The following KCNK13 variants were observed in gnomAD, a reference collection of about 807,000 sequenced individuals.
KCNK13 encodes potassium two pore domain channel subfamily K member 13.
In KCNK13, 12 loss-of-function variants were observed where a neutral mutation model predicts 23.4. The observed-to-expected ratio is 0.51, with a 90% CI of 0.33 to 0.83. KCNK13 has a LOEUF of 0.83. Ranked by LOEUF, KCNK13 falls within the 40% of genes least tolerant of loss-of-function variation. The pLI, the probability that KCNK13 is intolerant of heterozygous loss-of-function variation, is 0.02. For missense variants in KCNK13, 463 were observed against 556.3 expected (o/e 0.83, Z 1.69); for synonymous variants, 231 against 229.5 (o/e 1.01, Z -0.06).
intron 1 of KCNK13, among the ~76,000 whole-genome samples, chr14:90,126,360 C>T (rs573307058): frequency 2.0e-5 from 3 of 152,220 alleles, no homozygotes; most frequent in South Asian, 4.2e-4. Flanking sequence ...ACCTGCCCAA[C>T]GCTGCCTCAC....
In KCNK13 at chr14:90,065,764, C is replaced by T. The variant is rs74080567; in HGVS notation, c.334+3225C>T. Among the ~76,000 whole-genome samples the T allele has an allele frequency of 1.0e-3, 158 of 152,216 alleles. 3 individuals are homozygous for T. Among genetic ancestry groups the T allele is most frequent in the African/African-American group, 3.6e-3 (148 of 41,532 alleles). On this transcript the variant is annotated intron_variant, in intron 1 of 1. Transcript: ENST00000282146. The stretch of plus-strand genomic sequence containing the variant: ...ATGGACAGCCCAAGGGTAGCCCTCA[C>T]GCAGAGATAGGCTCTGCTGTTGGAA...
At chr14:90,181,435 C>G (rs768728257) in intron 1 of KCNK13, among the ~76,000 whole-genome samples, 5 of 152,134 alleles carry the variant, frequency 3.3e-5, no homozygotes, top group Admixed American at 1.3e-4. Context: ...ATGGATGAAT[C>G]ACCTCTTTTA....
chr14:90,066,426 C>A (rs1889010889), intron 1 of KCNK13, among the ~76,000 whole-genome samples: 2 of 151,872 alleles, frequency 1.3e-5, no homozygotes, highest in Non-Finnish European at 2.9e-5. Flanking sequence ...GCCACCACAC[C>A]CAGCTAATTT....
intron 1 of KCNK13, among the ~76,000 whole-genome samples, chr14:90,163,940 C>T (rs1890276495): frequency 6.6e-6 from 1 of 152,150 alleles, no homozygotes; most frequent in South Asian, 2.1e-4. Context: ...GATCCTCTTG[C>T]CTCAGCCTCC....
At chr14:90,066,709 T>C (rs1353292486) in intron 1 of KCNK13, among the ~76,000 whole-genome samples, 2 of 152,208 alleles carry the variant, frequency 1.3e-5, no homozygotes, top group Admixed American at 1.3e-4. Flanking sequence ...AATTGAGACT[T>C]TTGACTTAAA....
intron 1 of KCNK13, among the ~76,000 whole-genome samples, chr14:90,095,135 A>G (rs1057100697): frequency 1.3e-5 from 2 of 152,250 alleles, no homozygotes; most frequent in Non-Finnish European, 2.9e-5. Context: ...CTTTATGGGC[A>G]GAGAATCACA....
intron 1 of KCNK13, among the ~76,000 whole-genome samples, chr14:90,078,433 A>G (rs1596767666): frequency 6.6e-6 from 1 of 151,274 alleles, no homozygotes; most frequent in Admixed American, 6.6e-5. Context: ...AAAAAAAAGA[A>G]AGAAAAAAAA....
intron 1 of KCNK13, among the ~76,000 whole-genome samples, chr14:90,130,808 C>A (rs1458861591): frequency 6.6e-6 from 1 of 152,074 alleles, no homozygotes; most frequent in African/African-American, 2.4e-5. Flanking sequence ...GAGCGAAACT[C>A]CATCTCAAAA....
chr14:90,102,243 C>T (rs759917526), intron 1 of KCNK13, among the ~76,000 whole-genome samples: 5 of 152,108 alleles, frequency 3.3e-5, no homozygotes, highest in Non-Finnish European at 5.9e-5. Context: ...CAGATCTATA[C>T]GGGCTCCAGG....
rs397818294 is a variant in KCNK13 at position 90,141,804 on chromosome 14, G to GGT, written c.335-42307_335-42306insGT. 5.6e-4 allele frequency among the ~76,000 whole-genome samples: 80 copies of GGT among 143,410 alleles called. 3 individuals carry two copies. Among genetic ancestry groups the GGT allele is most frequent in the African/African-American group, 1.9e-3 (74 of 38,636 alleles). The allele number at this position is 143,410 out of a possible 152,430, so 94.1% of individuals were successfully genotyped here. ...TTTTGTTTTGTTTTTTGGGGGGGGG[G>GGT]ACGGAGCCTTGCTCTGTCACCCAGG... is the stretch of plus-strand genomic sequence containing the variant. On this transcript the variant is annotated intron_variant, in intron 1 of 1. Transcript: ENST00000282146.
chr14:90,136,453 G>A (rs539886042), intron 1 of KCNK13, among the ~76,000 whole-genome samples: 2 of 152,054 alleles, frequency 1.3e-5, no homozygotes, highest in South Asian at 2.1e-4. Flanking sequence ...AAGGAAGGCA[G>A]AGCAGAAGTC....
intron 1 of KCNK13, among the ~76,000 whole-genome samples, chr14:90,137,188 C>T (rs950389575): frequency 6.6e-6 from 1 of 152,188 alleles, no homozygotes; most frequent in Non-Finnish European, 1.5e-5. Flanking sequence ...CTGCCTACTG[C>T]ACCCCACTGC....
intron 1 of KCNK13, among the ~76,000 whole-genome samples, chr14:90,112,907 G>A (rs1233917151): frequency 6.7e-6 from 1 of 150,134 alleles, no homozygotes; most frequent in Non-Finnish European, 1.5e-5. Context: ...AAAGTCTGTT[G>A]AAAAGATTTT....
intron 1 of KCNK13, among the ~76,000 whole-genome samples, chr14:90,151,593 CTGAT>C (rs1383975756): frequency 6.6e-6 from 1 of 152,110 alleles, no homozygotes; most frequent in Non-Finnish European, 1.5e-5. Context: ...TCTTTTTACT[CTGAT>C]TATTTTCTTT....
chr14:90,118,228 C>G (rs1889699563), intron 1 of KCNK13, among the ~76,000 whole-genome samples: 1 of 152,172 alleles, frequency 6.6e-6, no homozygotes, highest in Admixed American at 6.5e-5. Context: ...GGTGAATAAG[C>G]AAGCTCTTCC....
intron 1 of KCNK13, among the ~76,000 whole-genome samples, chr14:90,176,300 T>C (rs1420527811): frequency 2.0e-5 from 3 of 152,176 alleles, no homozygotes; most frequent in Admixed American, 2.0e-4. Context: ...TAGAATGTCA[T>C]GAAGTCTGTC....
chr14:90,174,339 A>G (rs528913008), intron 1 of KCNK13, among the ~76,000 whole-genome samples: 1 of 152,188 alleles, frequency 6.6e-6, no homozygotes, highest in African/African-American at 2.4e-5. Context: ...ATAAATAAAT[A>G]AAACCATCAG....
At chr14:90,085,708 TTATATATACTTATATATAATA>T (rs1178020591) in intron 1 of KCNK13, among the ~76,000 whole-genome samples, 4 of 140,218 alleles carry the variant, frequency 2.9e-5, no homozygotes, top group African/African-American at 8.0e-5. Flanking sequence ...AATTTATATA[TTATATATACTTATATATAATA>T]TATATATACT....
intron 1 of KCNK13, among the ~76,000 whole-genome samples, chr14:90,170,667 A>G (rs78691207): frequency 0.071 from 10,763 of 152,282 alleles, 528 homozygotes; most frequent in Middle Eastern, 0.13. Context: ...AGAGTAGGAT[A>G]GGGAAAAAAT....
Sources: allele counts gnomAD v4.1 joint callset (sites outside exome capture counted in the v4.1 genomes callset), GRCh38; gene constraint gnomAD v4.1.1; transcripts MANE v1.5; gene names NCBI Gene and HGNC (gene_info 2026-07-23, HGNC 2026-07-21).